The following MAN1A2 variants were observed in gnomAD, a reference collection of about 807,000 sequenced individuals.
The protein encoded by MAN1A2 is mannosidase alpha class 1A member 2.
A neutral mutation model predicts 75.7 loss-of-function variants in MAN1A2; 26 were observed. That is an observed-to-expected ratio of 0.34 (90% CI 0.25 to 0.48). The LOEUF (loss-of-function observed/expected upper bound fraction) is 0.48, where lower values mean the gene tolerates loss of function less well. Among genes scored for constraint, MAN1A2 ranks in the 20% least tolerant of loss-of-function variants. The pLI is 0.99. For synonymous variants in MAN1A2, 247 were observed against 264.6 expected (o/e 0.93, Z 0.65); for missense variants, 562 against 775.5 (o/e 0.72, Z 3.27).
intron 7 of MAN1A2, among the ~76,000 whole-genome samples, chr1:117,465,070 A>C (rs1467152015): frequency 6.6e-6 from 1 of 152,174 alleles, no homozygotes; most frequent in Non-Finnish European, 1.5e-5. Flanking sequence ...ACAGAGATAC[A>C]AGAGCTCAGA....
chr1:117,408,302 TA>T (rs1245208449), intron 3 of MAN1A2, among the ~76,000 whole-genome samples: 17,249 of 119,616 alleles, frequency 0.14, 1,151 homozygotes, highest in African/African-American at 0.18. Flanking sequence ...CCCTTTCTCT[TA>T]AAAAAAAAAA....
chr1:117,502,678 C>A (rs1321754591), intron 11 of MAN1A2, among the ~76,000 whole-genome samples, 177 bp from the exon 12 acceptor site: 1 of 151,554 alleles, frequency 6.6e-6, no homozygotes, highest in Non-Finnish European at 1.5e-5. Context: ...TCCTGTTTCT[C>A]GTATGAGTTA....
intron 8 of MAN1A2, among the ~76,000 whole-genome samples, chr1:117,486,287 G>C (rs556407023): frequency 3.9e-5 from 6 of 152,078 alleles, no homozygotes; most frequent in African/African-American, 1.2e-4. Flanking sequence ...CAAAAGTTAA[G>C]ATATTGGTTA....
chr1:117,395,265 A>G (rs1653869126), intron 1 of MAN1A2, among the ~76,000 whole-genome samples: 1 of 152,232 alleles, frequency 6.6e-6, no homozygotes, highest in Admixed American at 6.5e-5. Flanking sequence ...AAACTCTTAA[A>G]TAAAATTTAT....
At position 117,442,242 on chromosome 1, in the gene MAN1A2, T is replaced by G. The variant is rs750995218; in HGVS notation, c.867T>G (p.Ile289Met). 1.9e-6 allele frequency: 3 copies of G among 1,598,162 alleles called. No individual in the cohort carries two copies. The African/African-American group carries it at 4.0e-5, about 21-fold the overall frequency. ...YYLSGEEIFK[I>M]KAVQLAEKLL... is the part of the protein sequence containing the mutation. Reference sequence around the variant, plus strand: ...GTTTTAAATCTCAGATATTCAAGATTAAAGCAGTGCAATTGGCTGAGAAAC... The same window carrying G: ...GTTTTAAATCTCAGATATTCAAGATGAAAGCAGTGCAATTGGCTGAGAAAC... Residue 289 changes from isoleucine (I) to methionine (M), a missense_variant, in exon 6 of 13, where the codon ATT (isoleucine) becomes ATG (methionine). Ile to Met is a conservative substitution (Grantham distance 10). Coordinates refer to ENST00000356554, the MANE Select transcript of MAN1A2 (RefSeq NM_006699.5).
At chr1:117,460,883 T>G (rs1649796375) in intron 7 of MAN1A2, among the ~76,000 whole-genome samples, 1 of 151,878 alleles carries the variant, frequency 6.6e-6, no homozygotes, top group South Asian at 2.1e-4. Flanking sequence ...CTGCGGTACC[T>G]ACCCAGCCTG....
At chr1:117,512,037 T>C (rs576186203) in intron 12 of MAN1A2, among the ~76,000 whole-genome samples, 1 of 152,240 alleles carries the variant, frequency 6.6e-6, no homozygotes, top group African/African-American at 2.4e-5. Flanking sequence ...AGATCTTGTA[T>C]ATAATAAGAG....
intron 9 of MAN1A2, chr1:117,493,724 T>C (rs1198857790): frequency 6.5e-6 from 1 of 152,878 alleles, no homozygotes; most frequent in East Asian, 1.9e-4. Context: ...GAGGTTGCAG[T>C]GAGCTGAGAT....
intron 1 of MAN1A2, among the ~76,000 whole-genome samples, chr1:117,382,198 T>A (rs940002939): frequency 1.3e-5 from 2 of 152,228 alleles, no homozygotes; most frequent in African/African-American, 4.8e-5. Flanking sequence ...GAGATCCCAT[T>A]TGTCAATTTT....
At chr1:117,407,818 G>C (rs1403588525) in intron 3 of MAN1A2, among the ~76,000 whole-genome samples, 1 of 152,104 alleles carries the variant, frequency 6.6e-6, no homozygotes, top group Non-Finnish European at 1.5e-5. Context: ...AATCAAGCTG[G>C]TTTCTTAGCA....
At chr1:117,472,969 T>C (rs1304814446) in intron 8 of MAN1A2, among the ~76,000 whole-genome samples, 1 of 151,962 alleles carries the variant, frequency 6.6e-6, no homozygotes, top group Non-Finnish European at 1.5e-5. Flanking sequence ...CTCTCTTCTC[T>C]CCAGTGTCAT....
At chr1:117,423,202 G>A (rs745952002) in intron 5 of MAN1A2, among the ~76,000 whole-genome samples, 2 of 152,138 alleles carry the variant, frequency 1.3e-5, no homozygotes, top group Non-Finnish European at 2.9e-5. Flanking sequence ...TTAGGTATGT[G>A]TGGGTCTACT....
chr1:117,395,638 C>T (rs543517107), intron 1 of MAN1A2, among the ~76,000 whole-genome samples: 1 of 152,008 alleles, frequency 6.6e-6, no homozygotes, highest in Non-Finnish European at 1.5e-5. Flanking sequence ...TATGGGATAT[C>T]CAAAAGTTAA....
intron 5 of MAN1A2, among the ~76,000 whole-genome samples, chr1:117,436,065 A>C (rs1271031705): frequency 6.6e-6 from 1 of 152,168 alleles, no homozygotes; most frequent in African/African-American, 2.4e-5. Flanking sequence ...TTCAAAAAAA[A>C]ATGTATATGG....
chr1:117,378,056 C>T (rs1653213237), intron 1 of MAN1A2, among the ~76,000 whole-genome samples: 1 of 152,064 alleles, frequency 6.6e-6, no homozygotes, highest in African/African-American at 2.4e-5. Flanking sequence ...GAGCCGAGAT[C>T]GCGCCACCGT....
chr1:117,390,146 G>A (rs993903840), intron 1 of MAN1A2, among the ~76,000 whole-genome samples: 1 of 152,080 alleles, frequency 6.6e-6, no homozygotes, highest in African/African-American at 2.4e-5. Context: ...GAGTAATGTT[G>A]GCCCCATGAA....
At chr1:117,395,885 G>T (rs1653886728) in intron 1 of MAN1A2, among the ~76,000 whole-genome samples, 1 of 152,198 alleles carries the variant, frequency 6.6e-6, no homozygotes, top group Non-Finnish European at 1.5e-5. Flanking sequence ...AGGGATTACA[G>T]ATTACAGGGA....
intron 8 of MAN1A2, among the ~76,000 whole-genome samples, chr1:117,477,573 G>C (rs1421931343): frequency 6.6e-6 from 1 of 151,842 alleles, no homozygotes; most frequent in Non-Finnish European, 1.5e-5. Context: ...AAAGGCCTTC[G>C]ACAAAATTCA....
intron 12 of MAN1A2, among the ~76,000 whole-genome samples, chr1:117,517,499 AT>A (rs1651747305): frequency 6.6e-6 from 1 of 152,160 alleles, no homozygotes; most frequent in African/African-American, 2.4e-5. Flanking sequence ...CAGTTGAAAA[AT>A]ATACCAGATG....
Sources: allele counts gnomAD v4.1 joint callset (sites outside exome capture counted in the v4.1 genomes callset), GRCh38; gene constraint gnomAD v4.1.1; transcripts MANE v1.5; gene names NCBI Gene and HGNC (gene_info 2026-07-23, HGNC 2026-07-21).